The following CACHD1 variants were observed in gnomAD, a reference collection of about 807,000 sequenced individuals.
The protein encoded by CACHD1 is VWFA and cache domain-containing protein 1.
A neutral mutation model predicts 138.7 loss-of-function variants in CACHD1; 71 were observed. The observed-to-expected ratio is 0.51, with a 90% CI of 0.42 to 0.62. The LOEUF (loss-of-function observed/expected upper bound fraction) is 0.62, where lower values mean the gene tolerates loss of function less well. Ranked by LOEUF, CACHD1 falls within the 20% of genes least tolerant of loss-of-function variation. The probability of loss-of-function intolerance (pLI) is 0.00; values close to 1 mark genes in which losing one functional copy is unlikely to be tolerated. For missense variants in CACHD1, 1,389 were observed against 1,625.3 expected (o/e 0.85, Z 2.50); for synonymous variants, 578 against 591.5 (o/e 0.98, Z 0.33).
intron 4 of CACHD1, among the ~76,000 whole-genome samples, chr1:64,613,209 A>AT (rs1467063966): frequency 6.6e-6 from 1 of 152,220 alleles, no homozygotes; most frequent in Non-Finnish European, 1.5e-5. Context: ...GTTGCTTGTT[A>AT]TGGATGAGCA....
Position 64,509,854 on chromosome 1 carries a change from A to G in CACHD1, c.198+38912A>G, listed in dbSNP as rs904106792. Among the ~76,000 whole-genome samples, 8 of 152,208 alleles carry G rather than the reference A, an allele frequency of 5.3e-5. No homozygotes were observed. The South Asian group carries it at 6.2e-4, about 12-fold the overall frequency. ...TTCTCAAACGAATACTCCTAGATGT[A>G]TTTTGTCTTGCACGATTACTGTTAA... On this transcript the variant is annotated intron_variant, in intron 1 of 26. Transcript: ENST00000651257.
chr1:64,485,796 G>C (rs1459482278), intron 1 of CACHD1, among the ~76,000 whole-genome samples: 1 of 152,034 alleles, frequency 6.6e-6, no homozygotes, highest in Non-Finnish European at 1.5e-5. Context: ...GCCTAGGCTG[G>C]GAGTTTTTTG....
chr1:64,618,855 G>C (rs1647807531), intron 4 of CACHD1, among the ~76,000 whole-genome samples: 2 of 152,112 alleles, frequency 1.3e-5, no homozygotes. Context: ...TATTTGGCAA[G>C]CGCGGGAGGT....
At chr1:64,614,858 C>G (rs560829580) in intron 4 of CACHD1, among the ~76,000 whole-genome samples, 1 of 152,236 alleles carries the variant, frequency 6.6e-6, no homozygotes, top group Non-Finnish European at 1.5e-5. Context: ...GTAGAGACCC[C>G]CCAAAAGGTT....
intron 4 of CACHD1, among the ~76,000 whole-genome samples, chr1:64,621,316 A>G (rs1440763882): frequency 6.6e-6 from 1 of 151,860 alleles, no homozygotes; most frequent in Non-Finnish European, 1.5e-5. Context: ...GTCTTGGGCC[A>G]TTGATAGTAG....
At chr1:64,584,269 C>A (rs1299286790) in intron 3 of CACHD1, among the ~76,000 whole-genome samples, 1 of 152,154 alleles carries the variant, frequency 6.6e-6, no homozygotes, top group South Asian at 2.1e-4. Context: ...TACTGCTAAA[C>A]ATCCTATAAC....
Position 64,663,686 on chromosome 1 carries a change from C to T in CACHD1, c.1952-9C>T. ...ATTCTCAGGCCTGCTTTGTTTGCTT[C>T]TCTTTCAGAAAGTCCCACCATCATG... On this transcript the variant is annotated splice_polypyrimidine_tract_variant and intron_variant, in intron 13 of 26. Transcript: ENST00000651257. 6.2e-7 allele frequency: 1 copy of T among 1,614,042 alleles called. No individual in the cohort carries two copies. The highest frequency in any genetic ancestry group is 2.2e-5 in the East Asian group (1 of 44,880).
intron 14 of CACHD1, 147 bp from the exon 15 acceptor site, chr1:64,664,351 G>C (rs971166518): frequency 7.5e-6 from 5 of 667,928 alleles, no homozygotes; most frequent in Non-Finnish European, 1.3e-5. Flanking sequence ...CACCAAGTTT[G>C]GTTGCATCCA....
At chr1:64,643,171 G>T (rs1648785258) in intron 8 of CACHD1, among the ~76,000 whole-genome samples, 1 of 151,124 alleles carries the variant, frequency 6.6e-6, no homozygotes, top group Non-Finnish European at 1.5e-5. Flanking sequence ...GGGACAGTGG[G>T]CCTCATATTC....
chr1:64,635,336 T>A (rs1473267611), intron 7 of CACHD1, among the ~76,000 whole-genome samples: 1 of 151,958 alleles, frequency 6.6e-6, no homozygotes, highest in Non-Finnish European at 1.5e-5. Context: ...AGCTGTCATT[T>A]AGATGAGCAT....
At chr1:64,668,943 CCTAACACATGGTT>C (rs990786962) in intron 16 of CACHD1, among the ~76,000 whole-genome samples, 2 of 152,136 alleles carry the variant, frequency 1.3e-5, no homozygotes, top group Non-Finnish European at 2.9e-5. Context: ...CTTCATCCCT[CCTAACACATGGTT>C]CTACTCCCAA....
chr1:64,631,888 A>G (rs1158703314), intron 5 of CACHD1, among the ~76,000 whole-genome samples: 1 of 152,064 alleles, frequency 6.6e-6, no homozygotes, highest in African/African-American at 2.4e-5. Context: ...TGGCTGACCT[A>G]TGTGAATTGT....
At chr1:64,552,268 C>T (rs2100457416) in intron 2 of CACHD1, among the ~76,000 whole-genome samples, 1 of 151,966 alleles carries the variant, frequency 6.6e-6, no homozygotes, top group African/African-American at 2.4e-5. Flanking sequence ...ACTTATGGAA[C>T]ATCAGGGCTA....
intron 9 of CACHD1, 132 bp from the exon 10 acceptor site, chr1:64,652,029 A>T (rs1649112097): frequency 7.0e-6 from 5 of 711,988 alleles, no homozygotes; most frequent in Non-Finnish European, 1.1e-5. Flanking sequence ...ACTGGACCAC[A>T]TGGGAAACTT....
intron 21 of CACHD1, 62 bp downstream of exon 21, chr1:64,676,045 T>C: frequency 1.8e-6 from 1 of 563,562 alleles, no homozygotes; most frequent in African/African-American, 2.0e-5. Context: ...ATAATACATA[T>C]GTAATACTGT....
intron 2 of CACHD1, among the ~76,000 whole-genome samples, chr1:64,557,325 G>A (rs1429464682): frequency 6.6e-6 from 1 of 152,076 alleles, no homozygotes; most frequent in Non-Finnish European, 1.5e-5. Flanking sequence ...CCTTGGACTT[G>A]TTTCAAGAGT....
At chr1:64,668,759 T>G (rs1164843195) in intron 16 of CACHD1, among the ~76,000 whole-genome samples, 1 of 152,238 alleles carries the variant, frequency 6.6e-6, no homozygotes, top group Non-Finnish European at 1.5e-5. Flanking sequence ...AGTGTGATTT[T>G]ACTATTTAGA....
chr1:64,577,397 G>A (rs898046761), intron 2 of CACHD1, among the ~76,000 whole-genome samples: 7 of 152,094 alleles, frequency 4.6e-5, no homozygotes, highest in Non-Finnish European at 1.0e-4. Flanking sequence ...CATAGCTTAT[G>A]GTATCCTGCC....
At chr1:64,654,528 G>A (rs1021137054) in intron 11 of CACHD1, among the ~76,000 whole-genome samples, 158 bp from the exon 12 acceptor site, 6 of 152,284 alleles carry the variant, frequency 3.9e-5, no homozygotes, top group African/African-American at 1.2e-4. Flanking sequence ...ATGCTTTTAC[G>A]CAATTGAAAA....
Sources: allele counts gnomAD v4.1 joint callset (sites outside exome capture counted in the v4.1 genomes callset), GRCh38; gene constraint gnomAD v4.1.1; transcripts MANE v1.5; gene names NCBI Gene and HGNC (gene_info 2026-07-23, HGNC 2026-07-21).